PHPT1: variants seen among roughly 807,000 people sequenced by gnomAD.
The protein encoded by PHPT1 is 14 kDa phosphohistidine phosphatase.
PHPT1 carries 16 observed loss-of-function variants against 15.6 expected under a neutral mutation model. The observed-to-expected ratio is 1.03, with a 90% CI of 0.70 to 1.56. PHPT1 has a LOEUF of 1.56. Among genes scored for constraint, PHPT1 ranks in the 40% most tolerant of loss-of-function variants. The probability of loss-of-function intolerance (pLI) is 0.00; values close to 1 mark genes in which losing one functional copy is unlikely to be tolerated. For missense variants in PHPT1, 228 were observed against 171.0 expected, an observed-to-expected ratio of 1.33 and a Z score of -1.86; for synonymous variants, 102 against 68.1, an observed-to-expected ratio of 1.50 and a Z score of -2.45.
In PHPT1 at chr9:136,849,487, C is replaced by G. The variant is rs772602842; in HGVS notation, c.57C>G (p.Val19=). Residue 19 remains valine (V), a synonymous_variant, in exon 1 of 3, where the codon GTC becomes GTG. Transcript: ENST00000247665. ...IPDVDIDSDG[V]FKYVLIRVHS... is the part of the protein sequence containing the mutation. Reference sequence around the variant, plus strand: ...ATGTGGACATCGACTCCGACGGCGTCTTCAAGTATGTGCTGATCCGAGTCC... The same window carrying G: ...ATGTGGACATCGACTCCGACGGCGTGTTCAAGTATGTGCTGATCCGAGTCC... The G allele has an allele frequency of 8.7e-6, 14 of 1,611,752 alleles. No individual in the cohort carries two copies. The highest frequency in any genetic ancestry group is 5.9e-6 in the Non-Finnish European group (7 of 1,179,466).
intron 1 of PHPT1, 147 bp downstream of exon 1, chr9:136,849,737 C>T: frequency 1.2e-6 from 1 of 823,904 alleles, no homozygotes; most frequent in South Asian, 2.0e-5. Flanking sequence ...CGCTCTGCTC[C>T]GAGTCCTGCC....
At chr9:136,849,874 G>C (rs1848862089) in intron 1 of PHPT1, 139 bp from the exon 2 acceptor site, 12 of 938,260 alleles carry the variant, frequency 1.3e-5, no homozygotes, top group African/African-American at 1.6e-5. Flanking sequence ...ATTCATCCCT[G>C]TCCCAGCCTC....
chr9:136,850,731 C>A, intron 2 of PHPT1, 24 bp from the exon 3 acceptor site: 1 of 1,596,270 alleles, frequency 6.3e-7, no homozygotes, highest in South Asian at 1.1e-5. Context: ...CAGGTAGTGC[C>A]AGCAGGCGTC....
At position 136,850,485 on chromosome 9, in the gene PHPT1, C is replaced by T. The variant is rs970662340; in HGVS notation, c.286-270C>T. The T allele has an allele frequency of 8.1e-6, 13 of 1,608,776 alleles. No homozygotes were observed. In the East Asian group the frequency reaches 1.1e-4, roughly 14 times the overall value. ...GGAGCTCAGAGTCCCCACCTGTGCT[C>T]TTCACAAAAACCACCAGCAGATGAG... On this transcript the variant is annotated intron_variant, in intron 2 of 2. Coordinates refer to ENST00000247665, the MANE Select transcript of PHPT1 (RefSeq NM_014172.6).
In PHPT1 at chr9:136,849,577, G is replaced by T. The variant is rs992281551; in HGVS notation, c.147G>T (p.Trp49Cys). 4 of 1,604,024 alleles carry T rather than the reference G, an allele frequency of 2.5e-6. No homozygotes were observed. In the African/African-American group the frequency reaches 4.0e-5, roughly 16 times the overall value. ...ESKEIVRGYKWAEYHADIYDK... is the reference protein window; with the variant it reads ...ESKEIVRGYKCAEYHADIYDK... ...AGGAGATCGTGCGCGGCTACAAGTG[G>T]GCTGAGTACCATGGTGAGGGCGGGA... The change falls in exon 1 of 3, where the codon TGG becomes TGT. Residue 49 changes from tryptophan to cysteine, a missense_variant. By Grantham distance (215) the Trp-to-Cys change is radical (BLOSUM62 -2). Transcript: ENST00000247665.
rs1328873901 is a variant in PHPT1, at chr9:136,850,875, C to A, written c.*28C>A. The A allele has an allele frequency of 6.5e-7, 1 of 1,537,156 alleles. No individual in the cohort carries two copies. The highest frequency in any genetic ancestry group is 9.0e-7 in the Non-Finnish European group (1 of 1,111,120). ...ACTCCCAGCCCGGGGCCTGCTGCCT[C>A]CAGCAGCCACTTCAGAGCCCCCGCC... On this transcript the variant is annotated 3_prime_UTR_variant, in exon 3 of 3. Transcript: ENST00000247665.
intron 2 of PHPT1, 133 bp downstream of exon 2, chr9:136,850,270 G>C (rs1445272250): frequency 4.2e-6 from 5 of 1,199,748 alleles, no homozygotes; most frequent in African/African-American, 1.5e-5. Context: ...GTCGGCGGCA[G>C]AGCCCTCCCT....
chr9:136,850,991 A>G lies in PHPT1; in HGVS notation c.*144A>G. ...GTCCACCAGGCCTTGGAGACAGGCT[A>G]GCCTGGCCACAGAATTAAACGTGTT... On this transcript the variant is annotated 3_prime_UTR_variant, in exon 3 of 3. Transcript: ENST00000247665. The G allele has an allele frequency of 1.3e-6, 1 of 773,656 alleles. No homozygotes were observed. The highest frequency in any genetic ancestry group is 2.4e-5 in the East Asian group (1 of 41,090). 47.9% of individuals were successfully genotyped at this position (773,656 alleles called of 1,614,324 possible).
At chr9:136,849,964 G>T in intron 1 of PHPT1, 49 bp from the exon 2 acceptor site, 1 of 1,574,608 alleles carries the variant, frequency 6.4e-7, no homozygotes, top group Non-Finnish European at 8.6e-7. Flanking sequence ...TCCTCCCGCG[G>T]CCTCCAAGGG....
chr9:136,850,387 G>A (rs1159257122), intron 2 of PHPT1: 3 of 972,836 alleles, frequency 3.1e-6, no homozygotes, highest in African/African-American at 3.3e-5. Flanking sequence ...CCTGCCTTGG[G>A]AGGCCTTGCT....
In PHPT1 at chr9:136,849,475, C is replaced by T. The variant is rs372062601; in HGVS notation, c.45C>T (p.Asp15=). The change falls in exon 1 of 3, where the codon GAC becomes GAT. Residue 15 remains aspartate, a synonymous_variant. Transcript: ENST00000247665. ...CTCTCATTCCTGATGTGGACATCGACTCCGACGGCGTCTTCAAGTATGTGC... is the reference window on the plus strand; with the variant it reads ...CTCTCATTCCTGATGTGGACATCGATTCCGACGGCGTCTTCAAGTATGTGC... ...DLALIPDVDI[D]SDGVFKYVLI... is the part of the protein sequence containing the mutation. 3.0e-5 allele frequency: 48 copies of T among 1,611,194 alleles called. No individual in the cohort carries two copies. Among genetic ancestry groups the T allele is most frequent in the Non-Finnish European group, 3.6e-5 (42 of 1,179,286 alleles).
chr9:136,849,621 G>T (rs756815484), intron 1 of PHPT1, 31 bp downstream of exon 1: 3 of 1,256,936 alleles, frequency 2.4e-6, no homozygotes, highest in Admixed American at 2.3e-5. Flanking sequence ...CATGCCAGGG[G>T]CACGCCTGGC....
chr9:136,849,619 G>T, intron 1 of PHPT1, 29 bp downstream of exon 1: 1 of 1,507,840 alleles, frequency 6.6e-7, no homozygotes. Flanking sequence ...GGCATGCCAG[G>T]GGCACGCCTG....
Position 136,850,543 on chromosome 9 carries a change from C to CT in PHPT1, c.286-212_286-211insT. 2.5e-6 allele frequency: 4 copies of CT among 1,611,990 alleles called. No homozygotes were observed. The South Asian group carries it at 4.4e-5, about 18-fold the overall frequency. ...TGCGTCCCTCTGGGCGCCTCAGGCC[C>CT]CAGGATCCACCATCAAGGTTTGCTT... On this transcript the variant is annotated intron_variant, in intron 2 of 2. Transcript: ENST00000247665.
intron 2 of PHPT1, chr9:136,850,395 G>A: frequency 9.5e-7 from 1 of 1,048,832 alleles, no homozygotes; most frequent in Non-Finnish European, 1.4e-6. Context: ...GGGAGGCCTT[G>A]CTGGGCTCTA....
In PHPT1 at chr9:136,850,878, G is replaced by A; in HGVS notation, c.*31G>A. 1 of 1,539,032 alleles carries A rather than the reference G, an allele frequency of 6.5e-7. No individual in the cohort carries two copies. The highest frequency in any genetic ancestry group is 9.0e-7 in the Non-Finnish European group (1 of 1,113,586). On this transcript the variant is annotated 3_prime_UTR_variant, in exon 3 of 3. Transcript: ENST00000247665. The stretch of plus-strand genomic sequence containing the variant: ...CCCAGCCCGGGGCCTGCTGCCTCCA[G>A]CAGCCACTTCAGAGCCCCCGCCTTT...
At chr9:136,850,313 G>A in intron 2 of PHPT1, 176 bp downstream of exon 2, 1 of 885,968 alleles carries the variant, frequency 1.1e-6, no homozygotes, top group Non-Finnish European at 1.8e-6. Flanking sequence ...ATTCCCCCAT[G>A]GAGCACACGC....
chr9:136,849,556 G>A lies in PHPT1; in HGVS notation c.126G>A (p.Glu42=). 1 of 1,607,114 alleles carries A rather than the reference G, an allele frequency of 6.2e-7. No individual in the cohort carries two copies. Among genetic ancestry groups the A allele is most frequent in the Non-Finnish European group, 8.5e-7 (1 of 1,178,100 alleles). Reference sequence around the variant, plus strand: ...GGGCTCCGGCTGCAGAGAGCAAGGAGATCGTGCGCGGCTACAAGTGGGCTG... The same window carrying A: ...GGGCTCCGGCTGCAGAGAGCAAGGAAATCGTGCGCGGCTACAAGTGGGCTG... ...RSGAPAAESK[E]IVRGYKWAEY... is the part of the protein sequence containing the mutation. Residue 42 remains glutamate (E), a synonymous_variant, in exon 1 of 3, where the codon GAG becomes GAA. Coordinates refer to ENST00000247665, the MANE Select transcript of PHPT1 (RefSeq NM_014172.6).
rs1231881734 is a variant in PHPT1, at chr9:136,850,157, C to T, written c.285+20C>T. 1 of 1,612,794 alleles carries T rather than the reference C, an allele frequency of 6.2e-7. No homozygotes were observed. Among genetic ancestry groups the T allele is most frequent in the Non-Finnish European group, 8.5e-7 (1 of 1,179,816 alleles). On this transcript the variant is annotated intron_variant, in intron 2 of 2. Transcript: ENST00000247665. ...TCCATGGTGAGCCGCAGCCCCGTCC[C>T]GCCCTGCCGGAGGCCCCAGTACCAG... is the stretch of plus-strand genomic sequence containing the variant.
Sources: allele counts gnomAD v4.1 joint callset, GRCh38; gene constraint gnomAD v4.1.1; transcripts MANE v1.5; gene names NCBI Gene and HGNC (gene_info 2026-07-23, HGNC 2026-07-21).